THSD7B: variants seen among roughly 807,000 people sequenced by gnomAD.
THSD7B encodes thrombospondin type-1 domain-containing protein 7B.
In THSD7B, 138 loss-of-function variants were observed where a neutral mutation model predicts 213.6. The ratio of observed to expected loss-of-function variants is 0.65; its 90% CI spans 0.56 to 0.74. The LOEUF (loss-of-function observed/expected upper bound fraction) is 0.74, where lower values mean the gene tolerates loss of function less well. THSD7B is among the 30% of genes least tolerant of loss of function. The pLI, the probability that THSD7B is intolerant of heterozygous loss-of-function variation, is 0.00. For synonymous variants in THSD7B, 742 were observed against 687.0 expected (o/e 1.08, Z -1.25); for missense variants, 1,931 against 1,991.5 (o/e 0.97, Z 0.58).
At chr2:137,106,426 C>T (rs1688252373) in intron 4 of THSD7B, among the ~76,000 whole-genome samples, 3 of 152,164 alleles carry the variant, frequency 2.0e-5, no homozygotes, top group Non-Finnish European at 4.4e-5. Context: ...AACATAAGAC[C>T]TAAAACTATA....
At chr2:136,892,155 C>G (rs1683872646) in intron 2 of THSD7B, among the ~76,000 whole-genome samples, 1 of 152,134 alleles carries the variant, frequency 6.6e-6, no homozygotes, top group Non-Finnish European at 1.5e-5. Context: ...AACTGCTTGG[C>G]TTGTTCTTAA....
intron 12 of THSD7B, among the ~76,000 whole-genome samples, chr2:137,341,826 G>A (rs1201241186): frequency 6.6e-6 from 1 of 151,608 alleles, no homozygotes; most frequent in Non-Finnish European, 1.5e-5. Context: ...GTTGGTTAAT[G>A]TGTCTTTCTT....
intron 1 of THSD7B, among the ~76,000 whole-genome samples, chr2:136,840,077 C>A (rs1185085123): frequency 6.6e-6 from 1 of 152,102 alleles, no homozygotes; most frequent in Non-Finnish European, 1.5e-5. Context: ...ACTGAGTATG[C>A]AAAAGAGTAT....
At chr2:136,982,148 A>G (rs534724662) in intron 2 of THSD7B, among the ~76,000 whole-genome samples, 1 of 152,166 alleles carries the variant, frequency 6.6e-6, no homozygotes, top group African/African-American at 2.4e-5. Context: ...TGATGCACCC[A>G]CCTCAGCCTC....
intron 12 of THSD7B, among the ~76,000 whole-genome samples, chr2:137,308,621 C>T (rs889254470): frequency 2.0e-5 from 3 of 151,782 alleles, no homozygotes; most frequent in Admixed American, 6.6e-5. Context: ...TTTCTGTTTT[C>T]AAAATACAAT....
In THSD7B at chr2:136,957,090, A is replaced by G. The variant is rs568417352; in HGVS notation, c.139+74773A>G. On this transcript the variant is annotated intron_variant, in intron 2 of 27. Coordinates refer to ENST00000409968, the MANE Select transcript of THSD7B (RefSeq NM_001316349.2). ...CTCAAATTTCCACTGCCTTTTTCAGATTGTGTTCCAGAAGGGCTCATCTCC... is the reference window on the plus strand; with the variant it reads ...CTCAAATTTCCACTGCCTTTTTCAGGTTGTGTTCCAGAAGGGCTCATCTCC... Among the ~76,000 whole-genome samples, 35 of 151,862 alleles carry G rather than the reference A, an allele frequency of 2.3e-4. No individual in the cohort carries two copies. In the South Asian group the frequency reaches 6.3e-3, roughly 27 times the overall value.
At chr2:137,659,423 C>T (rs11899190) in intron 24 of THSD7B, among the ~76,000 whole-genome samples, 1 of 152,166 alleles carries the variant, frequency 6.6e-6, no homozygotes, top group African/African-American at 2.4e-5. Context: ...GATAGAATCA[C>T]ATCGCCAATA....
intron 1 of THSD7B, among the ~76,000 whole-genome samples, chr2:136,869,455 A>G (rs867281963): frequency 1.3e-5 from 2 of 152,368 alleles, no homozygotes; most frequent in Non-Finnish European, 1.5e-5. Context: ...TGAAAATGCC[A>G]AATACACATT....
At chr2:137,009,280 AG>A (rs1441017570) in intron 2 of THSD7B, among the ~76,000 whole-genome samples, 1 of 152,160 alleles carries the variant, frequency 6.6e-6, no homozygotes, top group Non-Finnish European at 1.5e-5. Context: ...GAATCATTGA[AG>A]GCAGGAATTC....
chr2:137,245,086 T>C (rs1295568884), intron 10 of THSD7B, among the ~76,000 whole-genome samples: 1 of 152,180 alleles, frequency 6.6e-6, no homozygotes, highest in African/African-American at 2.4e-5. Flanking sequence ...CTCATTCTGA[T>C]GGAGCCCATA....
chr2:137,481,953 G>A (rs189140679), intron 15 of THSD7B, among the ~76,000 whole-genome samples: 18 of 152,216 alleles, frequency 1.2e-4, no homozygotes, highest in African/African-American at 2.2e-4. Context: ...CAAGGCAGGC[G>A]GATCACGAGG....
At position 137,142,958 on chromosome 2, in the gene THSD7B, A is replaced by G. The variant is rs142343412; in HGVS notation, c.1370-17255A>G. Among the ~76,000 whole-genome samples the G allele has an allele frequency of 3.7e-3, 571 of 152,272 alleles. 3 individuals are homozygous for G. Among genetic ancestry groups the G allele is most frequent in the Non-Finnish European group, 3.8e-3 (259 of 68,006 alleles). ...TCAATCTATTCATGCAGAAAGTTAC[A>G]TTAACAGATATTTCAATGTTGAACT... On this transcript the variant is annotated intron_variant, in intron 5 of 27. Coordinates refer to ENST00000409968, the MANE Select transcript of THSD7B (RefSeq NM_001316349.2).
At chr2:136,801,801 G>A (rs1461855466) in intron 1 of THSD7B, among the ~76,000 whole-genome samples, 1 of 152,120 alleles carries the variant, frequency 6.6e-6, no homozygotes, top group African/African-American at 2.4e-5. Context: ...TAAAACGAAG[G>A]CAGTAATTTT....
chr2:137,113,304 G>A (rs2104936765), intron 4 of THSD7B, among the ~76,000 whole-genome samples: 1 of 152,320 alleles, frequency 6.6e-6, no homozygotes, highest in African/African-American at 2.4e-5. Flanking sequence ...GACTGACTCT[G>A]TGAGGAGAAA....
intron 7 of THSD7B, among the ~76,000 whole-genome samples, chr2:137,188,210 C>T (rs1255236103): frequency 6.6e-6 from 1 of 152,162 alleles, no homozygotes; most frequent in Non-Finnish European, 1.5e-5. Context: ...AAGGAGTTTA[C>T]TTTTTCAAAG....
At chr2:136,920,296 C>T (rs1011816590) in intron 2 of THSD7B, among the ~76,000 whole-genome samples, 1 of 152,284 alleles carries the variant, frequency 6.6e-6, no homozygotes. Context: ...ACAGGCAGGT[C>T]GTCCTGATGA....
chr2:137,438,149 T>C (rs1687331106), intron 14 of THSD7B, among the ~76,000 whole-genome samples: 1 of 152,114 alleles, frequency 6.6e-6, no homozygotes, highest in African/African-American at 2.4e-5. Flanking sequence ...TTACCTCCAC[T>C]TTAGAGATAA....
chr2:137,439,895 C>G (rs1687367415), intron 14 of THSD7B, among the ~76,000 whole-genome samples: 1 of 152,022 alleles, frequency 6.6e-6, no homozygotes, highest in African/African-American at 2.4e-5. Flanking sequence ...CACAGTCAGG[C>G]AAATAGAAAA....
At chr2:137,496,408 G>T (rs1028133610) in intron 15 of THSD7B, among the ~76,000 whole-genome samples, 1 of 152,016 alleles carries the variant, frequency 6.6e-6, no homozygotes, top group African/African-American at 2.4e-5. Flanking sequence ...GTTAATATGC[G>T]CTCTTACCCC....
Sources: gnomAD v4.1 joint callset for allele counts (sites outside exome capture counted in the v4.1 genomes callset) on GRCh38, gnomAD v4.1.1 for gene constraint, MANE v1.5 for transcripts, NCBI Gene and HGNC (gene_info 2026-07-23, HGNC 2026-07-21) for gene names.